The following TMX3 variants were observed in gnomAD, a reference collection of about 807,000 sequenced individuals.
The protein encoded by TMX3 is protein disulfide-isomerase TMX3.
A neutral mutation model predicts 64.4 loss-of-function variants in TMX3; 40 were observed. The observed-to-expected ratio is 0.62, with a 90% confidence interval of 0.48 to 0.81. The LOEUF is 0.81. TMX3 is among the 30% of genes least tolerant of loss of function. TMX3 has a pLI of 0.00. For synonymous variants in TMX3, 189 were observed against 175.7 expected, an observed-to-expected ratio of 1.08 and a Z score of -0.60; for missense variants, 497 against 534.5, an observed-to-expected ratio of 0.93 and a Z score of 0.69.
chr18:68,706,910 A>G (rs1454861221), intron 4 of TMX3, among the ~76,000 whole-genome samples: 1 of 152,208 alleles, frequency 6.6e-6, no homozygotes, highest in Non-Finnish European at 1.5e-5. Context: ...CACATAACAC[A>G]TTCCCTTGGT....
At position 68,675,862 on chromosome 18, in the gene TMX3, CTCT is replaced by C. The variant is rs1443138622; in HGVS notation, c.*1068_*1070del. The C allele has an allele frequency of 6.6e-6, 1 of 152,180 alleles. No homozygotes were observed. Among genetic ancestry groups the C allele is most frequent in the Non-Finnish European group, 1.5e-5 (1 of 68,020 alleles). 9.4% of individuals were successfully genotyped at this position (152,180 alleles called of 1,614,324 possible). On this transcript the variant is annotated 3_prime_UTR_variant, in exon 16 of 16. Coordinates refer to ENST00000299608, the MANE Select transcript of TMX3 (RefSeq NM_019022.5). ...ACAATGGAGAAGGTAACTGGCTGAT[CTCT>C]TTTTTTTACACCGGATGTGACTTGT...
rs2031830463 is a variant in TMX3, at chr18:68,715,049, T to G, written c.-68A>C. On this transcript the variant is annotated 5_prime_UTR_variant, in exon 1 of 16. Transcript: ENST00000299608. ...GATAAAGACACTGGGGTCCGCCGCC[T>G]GCCCGCCCGGAAAGGGAAACGGAGC... 2 of 1,547,172 alleles carry G rather than the reference T, an allele frequency of 1.3e-6. No homozygotes were observed. Among genetic ancestry groups the G allele is most frequent in the Non-Finnish European group, 1.7e-6 (2 of 1,145,116 alleles).
chr18:68,687,686 C>CAAG lies in TMX3; in HGVS notation c.714_716dup (p.Leu238_Leu239insPhe). On this transcript the variant is annotated inframe_insertion, in exon 10 of 16. Coordinates refer to ENST00000299608, the MANE Select transcript of TMX3 (RefSeq NM_019022.5). ...TGTTACCTGTGTCTCCAAGTTCATA[C>CAAG]AAGAGGAAGCCATCCATAGCAAGGT... 1 of 1,611,482 alleles carries CAAG rather than the reference C, an allele frequency of 6.2e-7. No individual in the cohort carries two copies. Among genetic ancestry groups the CAAG allele is most frequent in the South Asian group, 1.1e-5 (1 of 90,672 alleles).
intron 14 of TMX3, among the ~76,000 whole-genome samples, chr18:68,680,757 G>C (rs556599506): frequency 6.6e-6 from 1 of 152,016 alleles, no homozygotes; most frequent in Non-Finnish European, 1.5e-5. Flanking sequence ...ACCCATAAAA[G>C]GACACTTCCA....
In TMX3 at chr18:68,676,777, C is replaced by G. The variant is rs1339321356; in HGVS notation, c.*156G>C. On this transcript the variant is annotated 3_prime_UTR_variant, in exon 16 of 16. Coordinates refer to ENST00000299608, the MANE Select transcript of TMX3 (RefSeq NM_019022.5). ...CATCTCTTTGCTCCAAACACTTCCC[C>G]ATGTATGGAGGGACTACTTTAATCC... 2 of 878,158 alleles carry G rather than the reference C, an allele frequency of 2.3e-6. No individual in the cohort carries two copies. The highest frequency in any genetic ancestry group is 1.9e-5 in the South Asian group (1 of 53,806). 54.4% of individuals were successfully genotyped at this position (878,158 alleles called of 1,614,324 possible).
chr18:68,687,210 T>C (rs1263431400), intron 10 of TMX3: 1 of 985,342 alleles, frequency 1.0e-6, no homozygotes, highest in Non-Finnish European at 1.2e-6. Context: ...ACAGCTTTCA[T>C]TTTTGTATTC....
chr18:68,676,275 C>T lies in TMX3; in HGVS notation c.*658G>A, dbSNP rs746037888. On this transcript the variant is annotated 3_prime_UTR_variant, in exon 16 of 16. Transcript: ENST00000299608. ...TACTCAGTAAATCCTGTTTATTTTGCGAAAGTCAATCACAAGACTTTTTTT... is the reference window on the plus strand; with the variant it reads ...TACTCAGTAAATCCTGTTTATTTTGTGAAAGTCAATCACAAGACTTTTTTT... 1 of 151,984 alleles carries T rather than the reference C, an allele frequency of 6.6e-6. No individual in the cohort carries two copies. Among genetic ancestry groups the T allele is most frequent in the Admixed American group, 6.6e-5 (1 of 15,232 alleles). The allele number at this position is 151,984 out of a possible 1,614,324, so 9.4% of individuals were successfully genotyped here. A position where few individuals can be genotyped will look rare whatever the true frequency, so the allele number is the denominator to read the frequency against.
chr18:68,706,629 A>G (rs186498119), intron 4 of TMX3, among the ~76,000 whole-genome samples: 1 of 152,240 alleles, frequency 6.6e-6, no homozygotes, highest in Non-Finnish European at 1.5e-5. Flanking sequence ...ACTGTCTGAA[A>G]AGCAACCTAC....
intron 12 of TMX3, among the ~76,000 whole-genome samples, chr18:68,683,613 C>A (rs1470852063): frequency 6.6e-6 from 1 of 152,012 alleles, no homozygotes; most frequent in Non-Finnish European, 1.5e-5. Context: ...TTACATAAAA[C>A]GCATCTCAAA....
chr18:68,706,043 T>G (rs181839596), intron 4 of TMX3, among the ~76,000 whole-genome samples: 80 of 152,328 alleles, frequency 5.3e-4, no homozygotes, highest in African/African-American at 1.7e-3. Flanking sequence ...TTCTACACTT[T>G]GTGGTTTTCC....
chr18:68,696,209 T>A (rs974596807), intron 8 of TMX3, among the ~76,000 whole-genome samples: 16 of 152,244 alleles, frequency 1.1e-4, no homozygotes, highest in Admixed American at 6.5e-5. Flanking sequence ...AGTCTCACTC[T>A]GTCGCCCAGG....
At chr18:68,712,196 G>C (rs534210024) in intron 2 of TMX3, among the ~76,000 whole-genome samples, 1 of 152,228 alleles carries the variant, frequency 6.6e-6, no homozygotes, top group East Asian at 1.9e-4. Flanking sequence ...ATGGCTAAGC[G>C]AAACCCAGAG....
At chr18:68,691,434 C>A (rs1914514113) in intron 8 of TMX3, 73 bp from the exon 9 acceptor site, 2 of 972,376 alleles carry the variant, frequency 2.1e-6, no homozygotes, top group South Asian at 2.2e-5. Flanking sequence ...TTTCAAAAGT[C>A]TTGAGATACC....
intron 10 of TMX3, chr18:68,687,410 C>T (rs1914068124): frequency 1.0e-6 from 1 of 985,344 alleles, no homozygotes; most frequent in Non-Finnish European, 1.2e-6. Context: ...TTCTCACTCT[C>T]TTATTACCCA....
Position 68,676,794 on chromosome 18 carries a change from C to T in TMX3, c.*139G>A. 6 of 1,091,946 alleles carry T rather than the reference C, an allele frequency of 5.5e-6. No homozygotes were observed. Among genetic ancestry groups the T allele is most frequent in the Non-Finnish European group, 7.7e-6 (6 of 783,462 alleles). The allele number at this position is 1,091,946 out of a possible 1,614,324, so 67.6% of individuals were successfully genotyped here. ...CACTTCCCCATGTATGGAGGGACTA[C>T]TTTAATCCATGCAGTTGATATTAGC... is the stretch of plus-strand genomic sequence containing the variant. On this transcript the variant is annotated 3_prime_UTR_variant, in exon 16 of 16. Transcript: ENST00000299608.
Position 68,677,041 on chromosome 18 carries a change from G to T in TMX3, c.1257C>A (p.Asn419Lys). Reference protein sequence around the residue: ...RYEVSKSENENQEQIEESKEQ... With the variant: ...RYEVSKSENEKQEQIEESKEQ... ...CTTTGCTCTCTTCTATCTGTTCTTG[G>T]TTTTCATTTTCACTTTTAGACACTT... Residue 419 changes from asparagine (N) to lysine (K), a missense_variant, in exon 16 of 16, where the codon AAC becomes AAA. Physicochemically the swap from Asn to Lys is moderately conservative, Grantham distance 94 (BLOSUM62 0). Coordinates refer to ENST00000299608, the MANE Select transcript of TMX3 (RefSeq NM_019022.5). The T allele has an allele frequency of 6.2e-7, 1 of 1,613,646 alleles. No homozygotes were observed. The highest frequency in any genetic ancestry group is 8.5e-7 in the Non-Finnish European group (1 of 1,179,782).
chr18:68,688,949 T>C (rs184787611), intron 9 of TMX3: 17 of 152,318 alleles, frequency 1.1e-4, no homozygotes, highest in African/African-American at 3.6e-4. Flanking sequence ...TTGGGTACTA[T>C]GCTTATTACC....
intron 2 of TMX3, among the ~76,000 whole-genome samples, chr18:68,712,915 T>C (rs2031432163): frequency 6.6e-6 from 1 of 151,100 alleles, no homozygotes; most frequent in Middle Eastern, 3.4e-3. Flanking sequence ...CCATCAGGTG[T>C]CCAGGTAGTC....
chr18:68,683,022 G>T (rs1384062743), intron 12 of TMX3, 41 bp from the exon 13 acceptor site: 1 of 1,564,904 alleles, frequency 6.4e-7, no homozygotes, highest in Non-Finnish European at 8.8e-7. Flanking sequence ...AAAAGGAGAG[G>T]GGGTGGGGGG....
Sources: allele counts gnomAD v4.1 joint callset (sites outside exome capture counted in the v4.1 genomes callset), GRCh38; gene constraint gnomAD v4.1.1; transcripts MANE v1.5; gene names NCBI Gene and HGNC (gene_info 2026-07-23, HGNC 2026-07-21).